The following FAM178B variants were observed in gnomAD, a reference collection of about 807,000 sequenced individuals.
FAM178B encodes protein FAM178B.
Under a neutral mutation model 91.7 loss-of-function variants are expected in FAM178B, and 82 were observed. That is an observed-to-expected ratio of 0.89 (90% confidence interval 0.75 to 1.07). The LOEUF (loss-of-function observed/expected upper bound fraction) is 1.07. Among genes scored for constraint, FAM178B ranks in the 50% least tolerant of loss-of-function variants. The pLI, the probability that FAM178B is intolerant of heterozygous loss-of-function variation, is 0.00. For synonymous variants in FAM178B, 368 were observed against 359.4 expected, an observed-to-expected ratio of 1.02 and a Z score of -0.27; for missense variants, 769 against 846.7, an observed-to-expected ratio of 0.91 and a Z score of 1.14.
chr2:96,902,646 G>T lies in FAM178B; in HGVS notation c.1624C>A (p.Leu542Ile). The change falls in exon 13 of 17, where the codon CTC becomes ATC. Residue 542 changes from leucine (L) to isoleucine (I), a missense_variant. Physicochemically the swap from Leu to Ile is conservative, Grantham distance 5. Coordinates refer to ENST00000490605, the MANE Select transcript of FAM178B (RefSeq NM_001122646.3). The stretch of plus-strand genomic sequence containing the variant: ...TGGGTCTTCTCTTGCCAGAGAGGGA[G>T]CATCTCCTGCTGGCCCAGCATTCGA... The part of the protein sequence containing the change: ...IARMLGQQEM[L>I]PLWQEKTQLS... The T allele has an allele frequency of 6.4e-7, 1 of 1,550,898 alleles. No individual in the cohort carries two copies. Among genetic ancestry groups the T allele is most frequent in the South Asian group, 1.2e-5 (1 of 84,058 alleles).
Position 96,938,100 on chromosome 2 carries a change from G to A in FAM178B, c.1079-8780C>T, listed in dbSNP as rs552256363. Among the ~76,000 whole-genome samples, 3 of 152,262 alleles carry A rather than the reference G, an allele frequency of 2.0e-5. No homozygotes were observed. In the East Asian group the frequency reaches 5.8e-4, roughly 29 times the overall value. ...ATTTATTTTGCACCTCATTTTAAAA[G>A]TGGGGGTTGAGAGTCCTGAGCTAAA... is the stretch of plus-strand genomic sequence containing the variant. On this transcript the variant is annotated intron_variant, in intron 8 of 16. Transcript: ENST00000490605.
At chr2:96,977,182 A>G (rs1456647740) in intron 1 of FAM178B, among the ~76,000 whole-genome samples, 73 of 126,882 alleles carry the variant, frequency 5.8e-4, no homozygotes, top group East Asian at 1.1e-3. Flanking sequence ...GTGACAGAGC[A>G]AGACTCTGTC....
intron 1 of FAM178B, among the ~76,000 whole-genome samples, chr2:96,977,481 G>T (rs1389252734): frequency 2.2e-4 from 33 of 149,228 alleles, no homozygotes; most frequent in Non-Finnish European, 1.0e-4. Flanking sequence ...GGTGGGGAGG[G>T]TCAAGAATTA....
chr2:96,977,548 G>A (rs915416499), intron 1 of FAM178B, among the ~76,000 whole-genome samples: 7 of 147,370 alleles, frequency 4.7e-5, no homozygotes, highest in Non-Finnish European at 7.4e-5. Context: ...TGGAACATTT[G>A]CCAAAGACAA....
chr2:96,939,526 C>CA (rs1574278198), intron 8 of FAM178B, among the ~76,000 whole-genome samples: 1 of 152,012 alleles, frequency 6.6e-6, no homozygotes, highest in African/African-American at 2.4e-5. Flanking sequence ...AATGAACAAA[C>CA]AAAAAAACAA....
intron 8 of FAM178B, among the ~76,000 whole-genome samples, chr2:96,932,941 C>CAAAAAA (rs35133795): frequency 5.9e-5 from 2 of 33,864 alleles, no homozygotes; most frequent in African/African-American, 1.8e-4. Flanking sequence ...CTCCGTCTCA[C>CAAAAAA]AAAAAAAAAA....
intron 10 of FAM178B, among the ~76,000 whole-genome samples, chr2:96,923,264 T>G (rs1269778918): frequency 6.6e-6 from 1 of 152,224 alleles, no homozygotes; most frequent in East Asian, 1.9e-4. Flanking sequence ...TGAGCCACCA[T>G]GCCTGGCCCC....
intron 12 of FAM178B, among the ~76,000 whole-genome samples, chr2:96,911,241 G>C (rs957755943): frequency 2.0e-5 from 3 of 152,218 alleles, no homozygotes; most frequent in Non-Finnish European, 4.4e-5. Flanking sequence ...GCGTCAGTGA[G>C]GGGGACAGCC....
chr2:96,931,669 C>T (rs983245413), intron 8 of FAM178B, among the ~76,000 whole-genome samples: 1 of 152,164 alleles, frequency 6.6e-6, no homozygotes, highest in Admixed American at 6.5e-5. Flanking sequence ...CTGAAAAGTG[C>T]TGGCAACAGT....
At chr2:96,877,809 G>C (rs1191043772) in intron 16 of FAM178B, 81 bp downstream of exon 16, 11 of 1,401,572 alleles carry the variant, frequency 7.8e-6, no homozygotes, top group Admixed American at 2.0e-5. Context: ...TGCAGCGGGG[G>C]TGGATGTGCT....
chr2:96,969,317 G>A (rs1467191574), intron 4 of FAM178B, among the ~76,000 whole-genome samples: 2 of 152,204 alleles, frequency 1.3e-5, no homozygotes, highest in Non-Finnish European at 2.9e-5. Flanking sequence ...CATAGGACAG[G>A]CCCTGATCCC....
At chr2:96,895,072 C>T (rs1457922345) in intron 13 of FAM178B, 7 of 1,289,346 alleles carry the variant, frequency 5.4e-6, no homozygotes, top group African/African-American at 1.5e-5. Context: ...ATGAGCAAGA[C>T]CACCATCATC....
chr2:96,909,035 T>G (rs969975527), intron 12 of FAM178B, among the ~76,000 whole-genome samples: 6 of 149,578 alleles, frequency 4.0e-5, no homozygotes, highest in African/African-American at 1.5e-4. Flanking sequence ...GCCTGCTACT[T>G]GGGAGGCTGA....
chr2:96,906,055 G>C (rs775751826), intron 12 of FAM178B, among the ~76,000 whole-genome samples: 6 of 146,866 alleles, frequency 4.1e-5, no homozygotes, highest in Non-Finnish European at 9.0e-5. Flanking sequence ...ATTTTTAGTA[G>C]AGACGGGGTT....
chr2:96,942,853 G>A (rs1299936097), intron 8 of FAM178B, among the ~76,000 whole-genome samples: 1 of 152,144 alleles, frequency 6.6e-6, no homozygotes, highest in African/African-American at 2.4e-5. Flanking sequence ...TTACATTTAT[G>A]GTCAAATGAT....
intron 8 of FAM178B, among the ~76,000 whole-genome samples, chr2:96,936,177 G>A (rs983417455): frequency 5.1e-4 from 78 of 151,674 alleles, no homozygotes; most frequent in African/African-American, 1.8e-3. Context: ...AACAACAAAA[G>A]TATTCTTCTT....
chr2:96,926,379 G>C (rs1055295028), intron 9 of FAM178B, among the ~76,000 whole-genome samples: 1 of 152,200 alleles, frequency 6.6e-6, no homozygotes, highest in African/African-American at 2.4e-5. Context: ...GGTCTTCAGC[G>C]GCCAGGCCTG....
chr2:96,957,626 GAA>G (rs2153374280), intron 6 of FAM178B, among the ~76,000 whole-genome samples: 1 of 152,334 alleles, frequency 6.6e-6, no homozygotes, highest in South Asian at 2.1e-4. Context: ...CTCTAGGACA[GAA>G]AACCTGCTGT....
In FAM178B at chr2:96,972,610, G is replaced by A. The variant is rs1024562783; in HGVS notation, c.74-4C>T. 1 of 1,551,226 alleles carries A rather than the reference G, an allele frequency of 6.4e-7. No homozygotes were observed. Among genetic ancestry groups the A allele is most frequent in the Non-Finnish European group, 8.7e-7 (1 of 1,146,948 alleles). ...TGCAAGCCGTGGGACATCTGTCCTG[G>A]AAGGAAGCGCCTGTGAGGGCAGGTG... On this transcript the variant is annotated splice_region_variant and splice_polypyrimidine_tract_variant and intron_variant, in intron 1 of 16. Transcript: ENST00000490605.
Sources: gnomAD v4.1 joint callset for allele counts (sites outside exome capture counted in the v4.1 genomes callset) on GRCh38, gnomAD v4.1.1 for gene constraint, MANE v1.5 for transcripts, NCBI Gene and HGNC (gene_info 2026-07-23, HGNC 2026-07-21) for gene names.